CEP78: variants seen among roughly 807,000 people sequenced by gnomAD.
CEP78 encodes the protein centrosomal protein of 78 kDa.
CEP78 carries 76 observed loss-of-function variants against 81.2 expected under a neutral mutation model. The ratio of observed to expected loss-of-function variants is 0.94; its 90% CI spans 0.78 to 1.13. The LOEUF (loss-of-function observed/expected upper bound fraction) is 1.13, where lower values mean the gene tolerates loss of function less well. CEP78 is among the 50% of genes most tolerant of loss of function. CEP78 has a pLI of 0.00. For synonymous variants in CEP78, 293 were observed against 301.4 expected, an observed-to-expected ratio of 0.97 and a Z score of 0.29; for missense variants, 918 against 846.8, an observed-to-expected ratio of 1.08 and a Z score of -1.04.
rs1184762228 is a variant in CEP78 at position 78,236,601 on chromosome 9, C to A, written c.251C>A (p.Thr84Lys). Residue 84 changes from threonine (T) to lysine (K), a missense_variant and splice_region_variant, in exon 1 of 17, where the codon ACA becomes AAA. Physicochemically the swap from Thr to Lys is moderately conservative, Grantham distance 78. Transcript: ENST00000643273. ...TTCTTCCAGCCCTGGCTGGGGGACA[C>A]AGGTTTGTAGTTCCCGCCTCCAGGG... ...KSFFQPWLGDTGSDMNKFCRS... is the reference protein window; with the variant it reads ...KSFFQPWLGDKGSDMNKFCRS... The A allele has an allele frequency of 6.5e-7, 1 of 1,535,394 alleles. No individual in the cohort carries two copies. Among genetic ancestry groups the A allele is most frequent in the Non-Finnish European group, 8.7e-7 (1 of 1,143,082 alleles).
chr9:78,253,811 T>C (rs1826879118), intron 10 of CEP78: 1 of 152,440 alleles, frequency 6.6e-6, no homozygotes, highest in Admixed American at 6.5e-5. Context: ...CCTTTTCAGT[T>C]GTTTTTAGAG....
chr9:78,247,108 C>T (rs1159574238), intron 6 of CEP78, among the ~76,000 whole-genome samples: 1 of 152,220 alleles, frequency 6.6e-6, no homozygotes, highest in African/African-American at 2.4e-5. Context: ...TTGAATACTT[C>T]TATCTGCTAG....
chr9:78,240,729 C>T (rs964979699), intron 3 of CEP78, among the ~76,000 whole-genome samples: 5 of 152,020 alleles, frequency 3.3e-5, no homozygotes, highest in African/African-American at 7.2e-5. Flanking sequence ...GGGAGGCCGA[C>T]GTGGGCGGAT....
chr9:78,255,024 G>A (rs1415020739), intron 11 of CEP78, 60 bp downstream of exon 11: 6 of 1,464,102 alleles, frequency 4.1e-6, no homozygotes, highest in Non-Finnish European at 5.6e-6. Flanking sequence ...GTTAGTTTTT[G>A]GTGAAAGCTT....
chr9:78,266,818 T>A, intron 16 of CEP78, 115 bp downstream of exon 16: 1 of 1,488,242 alleles, frequency 6.7e-7, no homozygotes, highest in African/African-American at 1.4e-5. Context: ...AGTTCTTTGG[T>A]TAATGAACCA....
intron 13 of CEP78, among the ~76,000 whole-genome samples, chr9:78,264,703 C>G (rs1290038231): frequency 6.7e-6 from 1 of 148,642 alleles, no homozygotes; most frequent in Non-Finnish European, 1.5e-5. Context: ...AGCTGTGATT[C>G]TTGTTAAAGA....
rs764602604 is a variant in CEP78, at chr9:78,265,366, G to T, written c.1626-6G>T. 3 of 1,570,974 alleles carry T rather than the reference G, an allele frequency of 1.9e-6. No individual in the cohort carries two copies. The highest frequency in any genetic ancestry group is 2.4e-5 in the South Asian group (2 of 82,274). On this transcript the variant is annotated splice_region_variant and splice_polypyrimidine_tract_variant and intron_variant, in intron 13 of 16. Transcript: ENST00000643273. ...TGCCTTTTCCTCCTTTTCTTCTCTC[G>T]ACCAGGCTTGGGCAGCTTGCCACAA...
Position 78,246,682 on chromosome 9 carries a change from A to G in CEP78, c.792A>G (p.Gln264=). 1 of 1,600,660 alleles carries G rather than the reference A, an allele frequency of 6.2e-7. No individual in the cohort carries two copies. The highest frequency in any genetic ancestry group is 8.5e-7 in the Non-Finnish European group (1 of 1,174,622). The change falls in exon 6 of 17, where the codon CAA becomes CAG. Residue 264 remains glutamine (Q), a synonymous_variant. Coordinates refer to ENST00000643273, the MANE Select transcript of CEP78 (RefSeq NM_001330691.3). Reference sequence around the variant, plus strand: ...TTTCATCGAAAGCTCTTGACCTGCAACAGTGCGGCCTCACCAATGAAGGAG... The same window carrying G: ...TTTCATCGAAAGCTCTTGACCTGCAGCAGTGCGGCCTCACCAATGAAGGAG... The part of the protein sequence containing the change: ...EDLWLRALDL[Q]QCGLTNEGAK...
At chr9:78,266,988 C>G in intron 16 of CEP78, 1 of 1,385,734 alleles carries the variant, frequency 7.2e-7, no homozygotes, top group Non-Finnish European at 9.4e-7. Flanking sequence ...CATCCATTCT[C>G]TATCACACCT....
intron 1 of CEP78, 136 bp downstream of exon 1, chr9:78,236,739 T>G: frequency 1.7e-6 from 2 of 1,169,674 alleles, no homozygotes. Context: ...GGTGAGTGGC[T>G]TAAGGTCTCT....
intron 4 of CEP78, among the ~76,000 whole-genome samples, chr9:78,242,635 T>C (rs1345307587): frequency 6.6e-6 from 1 of 152,246 alleles, no homozygotes; most frequent in Non-Finnish European, 1.5e-5. Context: ...TATACAGTTA[T>C]TATGAATAGC....
chr9:78,265,746 T>C (rs1272678029), intron 14 of CEP78, 113 bp from the exon 15 acceptor site: 19 of 756,632 alleles, frequency 2.5e-5, no homozygotes, highest in Non-Finnish European at 3.9e-5. Flanking sequence ...AGAAAGTTCT[T>C]TTGAAACTTT....
rs746912077 is a variant in CEP78 at position 78,277,403 on chromosome 9, GATAAT to G, written c.*6557_*6561del. On this transcript the variant is annotated 3_prime_UTR_variant, in exon 17 of 17. Coordinates refer to ENST00000643273, the MANE Select transcript of CEP78 (RefSeq NM_001330691.3). ...ACATGTAATAGAACAGAAGATTTAA[GATAAT>G]ATAAAGAGCACCTACAAACAACAAA... 6.2e-4 allele frequency: 94 copies of G among 152,012 alleles called. No homozygotes were observed. The highest frequency in any genetic ancestry group is 1.1e-3 in the Non-Finnish European group (72 of 67,982). 9.4% of individuals were successfully genotyped at this position (152,012 alleles called of 1,614,324 possible).
At position 78,265,406 on chromosome 9, in the gene CEP78, C is replaced by G; in HGVS notation, c.1660C>G (p.Gln554Glu). The G allele has an allele frequency of 1.2e-6, 2 of 1,606,878 alleles. No individual in the cohort carries two copies. Among genetic ancestry groups the G allele is most frequent in the Non-Finnish European group, 1.7e-6 (2 of 1,176,902 alleles). ...GQLATMAGID[Q>E]SDFQLLGHPQ... Reference sequence around the variant, plus strand: ...GCTTGCCACAATGGCTGGGATAGATCAGTCAGATTTTCAATTACTAGGTCA... The same window carrying G: ...GCTTGCCACAATGGCTGGGATAGATGAGTCAGATTTTCAATTACTAGGTCA... The change falls in exon 14 of 17, where the codon CAG becomes GAG. Residue 554 changes from glutamine to glutamate, a missense_variant. Gln to Glu is a conservative substitution (Grantham distance 29). Transcript: ENST00000643273.
At chr9:78,239,946 T>A (rs576782631) in intron 1 of CEP78, 77 bp from the exon 2 acceptor site, 1 of 1,259,448 alleles carries the variant, frequency 7.9e-7, no homozygotes, top group African/African-American at 1.5e-5. Context: ...CATTTCTATG[T>A]CTTAGCACAG....
Position 78,264,141 on chromosome 9 carries a change from C to G in CEP78, c.1459-9C>G. The G allele has an allele frequency of 7.0e-7, 1 of 1,426,726 alleles. No homozygotes were observed. Among genetic ancestry groups the G allele is most frequent in the Non-Finnish European group, 9.2e-7 (1 of 1,084,570 alleles). The allele number at this position is 1,426,726 out of a possible 1,614,324, so 88.4% of individuals were successfully genotyped here. ...AATCATGTCACACATTTTCAATCTT[C>G]TTTTATAGCTGGAACATGAAAATGC... is the stretch of plus-strand genomic sequence containing the variant. On this transcript the variant is annotated splice_polypyrimidine_tract_variant and intron_variant, in intron 12 of 16. Transcript: ENST00000643273.
chr9:78,237,393 A>AAAATATGT (rs1208897653), intron 1 of CEP78, among the ~76,000 whole-genome samples: 1 of 152,182 alleles, frequency 6.6e-6, no homozygotes, highest in Non-Finnish European at 1.5e-5. Flanking sequence ...GATTATTCGG[A>AAAATATGT]AAATATGTTA....
At chr9:78,246,642 A>G in intron 5 of CEP78, 27 bp from the exon 6 acceptor site, 1 of 1,377,254 alleles carries the variant, frequency 7.3e-7, no homozygotes, top group Admixed American at 2.1e-5. Context: ...TAGAATTAGC[A>G]AGTGACCCTT....
At chr9:78,255,000 C>A (rs749626079) in intron 11 of CEP78, 36 bp downstream of exon 11, 3 of 1,567,264 alleles carry the variant, frequency 1.9e-6, no homozygotes, top group Middle Eastern at 3.5e-4. Flanking sequence ...TGGAGAAGAT[C>A]ATTTCAAACT....
Sources: gnomAD v4.1 joint callset for allele counts (sites outside exome capture counted in the v4.1 genomes callset) on GRCh38, gnomAD v4.1.1 for gene constraint, MANE v1.5 for transcripts, NCBI Gene and HGNC (gene_info 2026-07-23, HGNC 2026-07-21) for gene names.